PNPLA1: variants seen among roughly 807,000 people sequenced by gnomAD.
The protein encoded by PNPLA1 is patatin like domain 1, omega-hydroxyceramide transacylase, also known as omega-hydroxyceramide transacylase.
PNPLA1 carries 36 observed loss-of-function variants against 51.7 expected under a neutral mutation model. That is an observed-to-expected ratio of 0.70 (90% CI 0.53 to 0.92). PNPLA1 has a LOEUF of 0.92. Ranked by LOEUF, PNPLA1 falls within the 40% of genes least tolerant of loss-of-function variation. The probability of loss-of-function intolerance (pLI) is 0.00; values close to 1 mark genes in which losing one functional copy is unlikely to be tolerated. For missense variants in PNPLA1, 658 were observed against 682.5 expected (o/e 0.96, Z 0.40); for synonymous variants, 293 against 280.1 (o/e 1.05, Z -0.46).
At chr6:36,300,176 TGTGA>T (rs1361608877) in intron 5 of PNPLA1, among the ~76,000 whole-genome samples, 15 of 71,998 alleles carry the variant, frequency 2.1e-4, no homozygotes, top group African/African-American at 4.4e-4. Context: ...TGTGTGTGTG[TGTGA>T]GAGAGAGAGA....
chr6:36,285,806 T>G (rs184000744), intron 1 of PNPLA1, among the ~76,000 whole-genome samples: 2 of 152,206 alleles, frequency 1.3e-5, no homozygotes, highest in Non-Finnish European at 2.9e-5. Flanking sequence ...TCCCTTTTCT[T>G]CCCCCTTTGA....
chr6:36,246,415 C>T (rs750502970), intron 1 of PNPLA1, among the ~76,000 whole-genome samples: 5 of 152,058 alleles, frequency 3.3e-5, no homozygotes, highest in Non-Finnish European at 7.4e-5. Context: ...TTGCCCAGGC[C>T]GATCTTGAAC....
intron 1 of PNPLA1, among the ~76,000 whole-genome samples, chr6:36,284,512 T>TATCC (rs1441399400): frequency 2.6e-5 from 4 of 151,808 alleles, no homozygotes; most frequent in Non-Finnish European, 5.9e-5. Context: ...GTCCTTCCTT[T>TATCC]ATCCATCCAT....
At chr6:36,265,528 C>CT (rs374733586), upstream of PNPLA1, among the ~76,000 whole-genome samples, 2 of 152,312 alleles carry the variant, frequency 1.3e-5, no homozygotes, top group African/African-American at 4.8e-5. Context: ...AACAAAGTAT[C>CT]TATACCTTAA....
chr6:36,295,981 T>C (rs1268776892), intron 5 of PNPLA1, among the ~76,000 whole-genome samples: 2 of 152,198 alleles, frequency 1.3e-5, no homozygotes, highest in East Asian at 3.8e-4. Flanking sequence ...GACATGTCTT[T>C]TATGTGCTAA....
chr6:36,251,722 G>A (rs1038855169), intron 1 of PNPLA1, among the ~76,000 whole-genome samples: 2 of 152,118 alleles, frequency 1.3e-5, no homozygotes, highest in Non-Finnish European at 2.9e-5. Flanking sequence ...AGGACTGCTT[G>A]AGGCCAGGAG....
At position 36,297,791 on chromosome 6, in the gene PNPLA1, C is replaced by T. The variant is rs542431083; in HGVS notation, c.775+2367C>T. On this transcript the variant is annotated intron_variant, in intron 5 of 8. Coordinates refer to ENST00000636260, the MANE Select transcript of PNPLA1 (RefSeq NM_001374623.1). ...CATCCGGCATTCAGGCATGCCTGGC[C>T]AAACCTCTCTTCCGCCCTCCTCCCC... Among the ~76,000 whole-genome samples the T allele has an allele frequency of 3.4e-4, 51 of 152,176 alleles. No homozygotes were observed. The Middle Eastern group carries it at 0.01, about 30-fold the overall frequency.
intron 7 of PNPLA1, 114 bp from the exon 8 acceptor site, chr6:36,307,473 C>T (rs1413110438): frequency 5.8e-6 from 7 of 1,210,018 alleles, no homozygotes; most frequent in Non-Finnish European, 7.8e-6. Flanking sequence ...CAATCCTCAG[C>T]CAGGGTTGAG....
At chr6:36,273,992 G>A (rs7773453) in intron 1 of PNPLA1, among the ~76,000 whole-genome samples, 1 of 151,876 alleles carries the variant, frequency 6.6e-6, no homozygotes, top group Non-Finnish European at 1.5e-5. Context: ...CACGCTGTCC[G>A]CTCAGCAGCA....
At chr6:36,243,441 A>T (rs58738575) in intron 1 of PNPLA1, among the ~76,000 whole-genome samples, 14,659 of 152,100 alleles carry the variant, frequency 0.096, 744 homozygotes, top group Non-Finnish European at 0.1. Context: ...AGGGTGAGGG[A>T]CCTACTGCCT....
At chr6:36,274,001 C>T (rs1440164189) in intron 1 of PNPLA1, among the ~76,000 whole-genome samples, 1 of 152,082 alleles carries the variant, frequency 6.6e-6, no homozygotes, top group Non-Finnish European at 1.5e-5. Context: ...CGCTCAGCAG[C>T]ATGTTTATGA....
chr6:36,294,252 C>T lies in PNPLA1; in HGVS notation c.567C>T (p.Thr189=), dbSNP rs1320273211. 1 of 1,614,230 alleles carries T rather than the reference C, an allele frequency of 6.2e-7. No homozygotes were observed. The highest frequency in any genetic ancestry group is 1.1e-5 in the South Asian group (1 of 91,090). Residue 189 remains threonine (T), a synonymous_variant, in exon 4 of 9, where the codon ACC becomes ACT. Coordinates refer to ENST00000636260, the MANE Select transcript of PNPLA1 (RefSeq NM_001374623.1). This position sits in a 1 kb window ranked among gnomAD's most constrained non-coding sequence, Gnocchi z 4.2. ...QPCAFWTDAI[T]ISTFSGQQDI... is the part of the protein sequence containing the mutation. ...GTGCCTTCTGGACCGACGCCATCAC[C>T]ATCTCCACCTTCAGTGGGCAGCAGG...
chr6:36,312,287 G>A lies in PNPLA1; in HGVS notation c.*401G>A, dbSNP rs1352808089. The A allele has an allele frequency of 2.6e-5, 4 of 152,182 alleles. No homozygotes were observed. The highest frequency in any genetic ancestry group is 6.5e-5 in the Admixed American group (1 of 15,268). The allele number at this position is 152,182 out of a possible 1,614,324, so 9.4% of individuals were successfully genotyped here. ...CCCCATCCCCTTCCTAAAAAAACAAGTATCAGTTGAACTTTCATACATGGA... is the reference window on the plus strand; with the variant it reads ...CCCCATCCCCTTCCTAAAAAAACAAATATCAGTTGAACTTTCATACATGGA... On this transcript the variant is annotated 3_prime_UTR_variant, in exon 9 of 9. Transcript: ENST00000636260.
chr6:36,280,850 C>T (rs747722423), intron 1 of PNPLA1, among the ~76,000 whole-genome samples: 3 of 152,138 alleles, frequency 2.0e-5, no homozygotes, highest in Non-Finnish European at 4.4e-5. Flanking sequence ...AGTGCAGAGG[C>T]GCCATCATAG....
At chr6:36,276,299 T>C (rs1464184271) in intron 1 of PNPLA1, among the ~76,000 whole-genome samples, 1 of 152,110 alleles carries the variant, frequency 6.6e-6, no homozygotes, top group East Asian at 1.9e-4. Flanking sequence ...TTCCCCACTT[T>C]TGTAGCCAGT....
intron 1 of PNPLA1, among the ~76,000 whole-genome samples, chr6:36,260,754 C>T (rs531748935): frequency 1.1e-4 from 17 of 152,214 alleles, no homozygotes; most frequent in Non-Finnish European, 2.2e-4. Flanking sequence ...AGGTCTGTTT[C>T]GATTATTTTT....
intron 3 of PNPLA1, 40 bp downstream of exon 3, chr6:36,293,166 A>G (rs752191002): frequency 1.3e-6 from 2 of 1,595,008 alleles, no homozygotes; most frequent in East Asian, 4.5e-5. Flanking sequence ...ATGGGATCCA[A>G]GGGACCTCGG....
chr6:36,295,760 T>C lies in PNPLA1; in HGVS notation c.775+336T>C, dbSNP rs112299303. ...CCTGGAGAATTCCATTTTCATGTAA[T>C]TTCATTCTCTTCCACTTTATTCTCT... On this transcript the variant is annotated intron_variant, in intron 5 of 8. Coordinates refer to ENST00000636260, the MANE Select transcript of PNPLA1 (RefSeq NM_001374623.1). 2.7e-3 allele frequency among the ~76,000 whole-genome samples: 415 copies of C among 152,378 alleles called. 4 individuals carry two copies. The highest frequency in any genetic ancestry group is 9.6e-3 in the African/African-American group (398 of 41,594).
chr6:36,309,959 T>C (rs769997041), intron 8 of PNPLA1, among the ~76,000 whole-genome samples: 5 of 152,186 alleles, frequency 3.3e-5, no homozygotes, highest in Non-Finnish European at 7.3e-5. Flanking sequence ...CTGATATCCC[T>C]GCAGACAAGT....
Sources: gnomAD v4.1 joint callset for allele counts (sites outside exome capture counted in the v4.1 genomes callset) on GRCh38, gnomAD v4.1.1 for gene constraint, Gnocchi (gnomAD v3.1) non-coding constraint, MANE v1.5 for transcripts, NCBI Gene and HGNC (gene_info 2026-07-23, HGNC 2026-07-21) for gene names.